LHFPL6: variants seen among roughly 807,000 people sequenced by gnomAD.
The protein encoded by LHFPL6 is LHFPL tetraspan subfamily member 6 protein.
LHFPL6 carries 9 observed loss-of-function variants against 20.6 expected under a neutral mutation model. The ratio of observed to expected loss-of-function variants is 0.44; its 90% CI spans 0.26 to 0.76. LHFPL6 has a LOEUF of 0.76. LHFPL6 is among the 30% of genes least tolerant of loss of function. The pLI is 0.20. For synonymous variants in LHFPL6, 105 were observed against 98.7 expected, an observed-to-expected ratio of 1.06 and a Z score of -0.38; for missense variants, 218 against 253.5, an observed-to-expected ratio of 0.86 and a Z score of 0.95.
In LHFPL6 at chr13:39,343,082, T is replaced by C; in HGVS notation, c.*854A>G. On this transcript the variant is annotated 3_prime_UTR_variant, in exon 4 of 4. Coordinates refer to ENST00000379589, the MANE Select transcript of LHFPL6 (RefSeq NM_005780.3). The stretch of plus-strand genomic sequence containing the variant: ...TCATATCTTCGGCTGAATTCTCTCC[T>C]ATAGTGGACAGAAAGTTGCCCCTTT... The C allele has an allele frequency of 5.0e-6, 1 of 201,282 alleles. No individual in the cohort carries two copies. The highest frequency in any genetic ancestry group is 1.0e-5 in the Non-Finnish European group (1 of 97,280). 12.5% of individuals were successfully genotyped at this position (201,282 alleles called of 1,614,324 possible).
At chr13:39,594,260 A>T (rs944971503) in intron 2 of LHFPL6, among the ~76,000 whole-genome samples, 1 of 152,242 alleles carries the variant, frequency 6.6e-6, no homozygotes, top group African/African-American at 2.4e-5. Flanking sequence ...GAACTCAAAC[A>T]AATTTACAAG....
At chr13:39,492,802 T>A (rs1282619706) in intron 2 of LHFPL6, among the ~76,000 whole-genome samples, 1 of 152,032 alleles carries the variant, frequency 6.6e-6, no homozygotes, top group East Asian at 1.9e-4. Context: ...TGCCTCAGCC[T>A]CCCGAGTAGC....
intron 2 of LHFPL6, among the ~76,000 whole-genome samples, chr13:39,589,886 T>C (rs1441879850): frequency 6.6e-6 from 1 of 152,232 alleles, no homozygotes; most frequent in African/African-American, 2.4e-5. Context: ...AATATTAACA[T>C]GTAATACAAT....
At chr13:39,490,562 C>T (rs912042) in intron 2 of LHFPL6, among the ~76,000 whole-genome samples, 147,578 of 152,262 alleles carry the variant, frequency 0.97, 71,667 homozygotes, top group East Asian at 1. Flanking sequence ...AGGAAAAAGA[C>T]AGGGCTACAG....
intron 3 of LHFPL6, among the ~76,000 whole-genome samples, chr13:39,359,944 T>C (rs548009891): frequency 6.6e-6 from 1 of 152,338 alleles, no homozygotes; most frequent in East Asian, 1.9e-4. Flanking sequence ...AAGCACGCAG[T>C]ATGCCTCGAT....
At position 39,374,941 on chromosome 13, in the gene LHFPL6, T is replaced by A. The variant is rs935341641; in HGVS notation, c.484+3487A>T. Among the ~76,000 whole-genome samples, 7 of 152,334 alleles carry A rather than the reference T, an allele frequency of 4.6e-5. No individual in the cohort carries two copies. The South Asian group carries it at 1.4e-3, about 32-fold the overall frequency. ...TTGTTGGCTGACTAATTGAGATAAA[T>A]GCACTACTTAAATAATCTTCTATGT... On this transcript the variant is annotated intron_variant, in intron 3 of 3. Transcript: ENST00000379589.
At chr13:39,598,095 T>G (rs763285567) in intron 2 of LHFPL6, among the ~76,000 whole-genome samples, 2 of 152,268 alleles carry the variant, frequency 1.3e-5, no homozygotes, top group Non-Finnish European at 2.9e-5. Context: ...GTATGTTGAT[T>G]ACATTTCTGA....
At chr13:39,474,141 G>C (rs986946646) in intron 2 of LHFPL6, among the ~76,000 whole-genome samples, 2 of 152,196 alleles carry the variant, frequency 1.3e-5, no homozygotes, top group African/African-American at 4.8e-5. Flanking sequence ...GATATTTTAT[G>C]GGTATGCCTT....
chr13:39,523,785 A>G (rs1870197393), intron 2 of LHFPL6, among the ~76,000 whole-genome samples: 1 of 152,190 alleles, frequency 6.6e-6, no homozygotes, highest in Admixed American at 6.5e-5. Context: ...TATTTTACAA[A>G]AGATTTAAAA....
At chr13:39,538,962 A>T (rs113998154) in intron 2 of LHFPL6, among the ~76,000 whole-genome samples, 1 of 152,166 alleles carries the variant, frequency 6.6e-6, no homozygotes, top group African/African-American at 2.4e-5. Context: ...CGCGGGCCAT[A>T]TGGATTCCAT....
At chr13:39,590,306 A>G (rs917149138) in intron 2 of LHFPL6, among the ~76,000 whole-genome samples, 7 of 152,142 alleles carry the variant, frequency 4.6e-5, no homozygotes, top group African/African-American at 1.7e-4. Flanking sequence ...TATCTGGGAG[A>G]TTGGCAATAT....
At chr13:39,403,626 C>T (rs748695422) in intron 2 of LHFPL6, among the ~76,000 whole-genome samples, 21 of 152,116 alleles carry the variant, frequency 1.4e-4, no homozygotes, top group Non-Finnish European at 2.1e-4. Flanking sequence ...ATCTCTATAT[C>T]GATCAAGAGC....
At chr13:39,459,369 T>G (rs1872641583) in intron 2 of LHFPL6, among the ~76,000 whole-genome samples, 1 of 152,050 alleles carries the variant, frequency 6.6e-6, no homozygotes. Context: ...GGTTTTTCCT[T>G]TCTCTCTCCT....
intron 2 of LHFPL6, among the ~76,000 whole-genome samples, chr13:39,559,601 G>A (rs1282234419): frequency 6.6e-6 from 1 of 151,858 alleles, no homozygotes; most frequent in Non-Finnish European, 1.5e-5. Flanking sequence ...GAAAGCCAAC[G>A]ATGTGCCTCT....
At chr13:39,450,171 G>A (rs911834733) in intron 2 of LHFPL6, among the ~76,000 whole-genome samples, 10 of 152,186 alleles carry the variant, frequency 6.6e-5, no homozygotes, top group African/African-American at 2.4e-4. Context: ...AATGTTAGAA[G>A]CCATAAATAA....
At chr13:39,518,057 G>A (rs1162189344) in intron 2 of LHFPL6, among the ~76,000 whole-genome samples, 1 of 152,088 alleles carries the variant, frequency 6.6e-6, no homozygotes, top group Non-Finnish European at 1.5e-5. Flanking sequence ...TTCCCGCTAG[G>A]TGATCTTTCT....
intron 2 of LHFPL6, among the ~76,000 whole-genome samples, chr13:39,431,004 C>T (rs1566110048): frequency 6.6e-6 from 1 of 152,200 alleles, no homozygotes; most frequent in African/African-American, 2.4e-5. Flanking sequence ...AGCTGTAATA[C>T]CCACTGCAAA....
Position 39,423,488 on chromosome 13 carries a change from C to A in LHFPL6, c.386-44962G>T, listed in dbSNP as rs116572366. ...GCCCAGGCTGGAACACAGTGGTACA[C>A]CCTTGGCTCACTGCAACCTCCATCT... On this transcript the variant is annotated intron_variant, in intron 2 of 3. Transcript: ENST00000379589. Among the ~76,000 whole-genome samples the A allele has an allele frequency of 9.2e-3, 1,403 of 151,912 alleles. 20 individuals are homozygous for A. Among genetic ancestry groups the A allele is most frequent in the African/African-American group, 0.032 (1,323 of 41,448 alleles).
chr13:39,352,444 A>T (rs1168011932), intron 3 of LHFPL6, among the ~76,000 whole-genome samples: 1 of 152,202 alleles, frequency 6.6e-6, no homozygotes, highest in Non-Finnish European at 1.5e-5. Flanking sequence ...TGCTCTGGAA[A>T]GCGCAGCACA....
Sources: allele counts gnomAD v4.1 joint callset (sites outside exome capture counted in the v4.1 genomes callset), GRCh38; gene constraint gnomAD v4.1.1; transcripts MANE v1.5; gene names NCBI Gene and HGNC (gene_info 2026-07-23, HGNC 2026-07-21).